PACRG: variants seen among roughly 807,000 people sequenced by gnomAD.
PACRG encodes parkin coregulated gene protein.
PACRG carries 29 observed loss-of-function variants against 29.7 expected under a neutral mutation model. The ratio of observed to expected loss-of-function variants is 0.98; its 90% confidence interval spans 0.73 to 1.33. PACRG has a LOEUF of 1.33. Among genes scored for constraint, PACRG ranks in the 40% most tolerant of loss-of-function variants. The pLI, the probability that PACRG is intolerant of heterozygous loss-of-function variation, is 0.00. For missense variants in PACRG, 279 were observed against 316.2 expected (o/e 0.88, Z 0.89); for synonymous variants, 116 against 118.7 (o/e 0.98, Z 0.15).
chr6:163,151,250 TTTG>T (rs989034214), intron 4 of PACRG, among the ~76,000 whole-genome samples: 62 of 152,282 alleles, frequency 4.1e-4, no homozygotes, highest in Non-Finnish European at 7.9e-4. Flanking sequence ...GATCTTGGTT[TTTG>T]TTGTTGTTGT....
chr6:162,955,310 G>GT (rs1271068858), intron 2 of PACRG, among the ~76,000 whole-genome samples: 3 of 151,776 alleles, frequency 2.0e-5, no homozygotes, highest in South Asian at 2.1e-4. Context: ...TTTTGTTTTT[G>GT]TTTTTTTGAG....
intron 2 of PACRG, among the ~76,000 whole-genome samples, chr6:162,887,979 A>G (rs1361366074): frequency 1.3e-5 from 2 of 152,170 alleles, no homozygotes; most frequent in Non-Finnish European, 2.9e-5. Flanking sequence ...TCCAAGATCA[A>G]GTTCCCAGCA....
At chr6:162,924,567 C>A (rs1328092333) in intron 2 of PACRG, among the ~76,000 whole-genome samples, 1 of 152,026 alleles carries the variant, frequency 6.6e-6, no homozygotes, top group African/African-American at 2.4e-5. Context: ...TCCTACTATA[C>A]CCCATTTGTT....
intron 4 of PACRG, among the ~76,000 whole-genome samples, chr6:163,202,557 C>A (rs1055161362): frequency 1.3e-5 from 2 of 152,084 alleles, no homozygotes; most frequent in African/African-American, 4.8e-5. Context: ...ACATAAATTG[C>A]CACAAACTGT....
At chr6:163,099,703 T>C (rs1585210707) in intron 4 of PACRG, among the ~76,000 whole-genome samples, 1 of 152,186 alleles carries the variant, frequency 6.6e-6, no homozygotes, top group East Asian at 1.9e-4. Context: ...CCAAGTGTAA[T>C]TGTTATGCTG....
At position 162,818,965 on chromosome 6, in the gene PACRG, T is replaced by C. The variant is rs368448923; in HGVS notation, c.291+4684T>C. Among the ~76,000 whole-genome samples the C allele has an allele frequency of 8.4e-4, 128 of 152,272 alleles. No individual in the cohort carries two copies. In the East Asian group the frequency reaches 0.012, roughly 14 times the overall value. ...AAATTTGAAAGGGAGAAACTCAAAA[T>C]GGACTTGTATTTTGTCCAAAATCCT... On this transcript the variant is annotated intron_variant, in intron 2 of 4. Transcript: ENST00000366888.
Position 162,892,246 on chromosome 6 carries a change from C to G in PACRG, c.291+77965C>G, listed in dbSNP as rs139332090. On this transcript the variant is annotated intron_variant, in intron 2 of 4. Coordinates refer to ENST00000366888, the MANE Select transcript of PACRG (RefSeq NM_001080379.2). ...AGGAGTGGACAGATGACCTTCCATGCCATTGCCATCCACAGGCACCAGGCA... is the reference window on the plus strand; with the variant it reads ...AGGAGTGGACAGATGACCTTCCATGGCATTGCCATCCACAGGCACCAGGCA... Among the ~76,000 whole-genome samples the G allele has an allele frequency of 5.9e-3, 905 of 152,302 alleles. 10 individuals carry two copies. Among genetic ancestry groups the G allele is most frequent in the African/African-American group, 0.021 (874 of 41,562 alleles).
At chr6:163,089,450 A>G (rs1391438871) in intron 4 of PACRG, 42 bp downstream of exon 4, 1 of 1,601,942 alleles carries the variant, frequency 6.2e-7, no homozygotes, top group South Asian at 1.1e-5. Context: ...AAGCCAAAGA[A>G]AAAGGGAGTG....
At chr6:163,081,753 C>T (rs1032580671) in intron 3 of PACRG, among the ~76,000 whole-genome samples, 4 of 151,494 alleles carry the variant, frequency 2.6e-5, no homozygotes, top group Non-Finnish European at 5.9e-5. Flanking sequence ...AAAACCCTGT[C>T]TCAGAAAAAA....
chr6:163,101,362 A>G (rs1585214489), intron 4 of PACRG: 3 of 981,482 alleles, frequency 3.1e-6, no homozygotes, highest in South Asian at 9.4e-5. Context: ...ATTTGTGTAC[A>G]TCGGGTTTTG....
intron 4 of PACRG, among the ~76,000 whole-genome samples, chr6:163,135,291 C>G (rs983799483): frequency 6.6e-6 from 1 of 151,784 alleles, no homozygotes; most frequent in Admixed American, 6.6e-5. Context: ...TCGGTTCAAG[C>G]GATTCTCCTG....
At chr6:163,275,291 T>A (rs1357073247) in intron 4 of PACRG, among the ~76,000 whole-genome samples, 1 of 152,242 alleles carries the variant, frequency 6.6e-6, no homozygotes, top group Admixed American at 6.5e-5. Flanking sequence ...CTTCTTCCTC[T>A]TATTTTTTTG....
At chr6:162,882,891 C>T (rs1794019165) in intron 2 of PACRG, among the ~76,000 whole-genome samples, 1 of 152,216 alleles carries the variant, frequency 6.6e-6, no homozygotes, top group Non-Finnish European at 1.5e-5. Context: ...TTCAGAAACC[C>T]TGACTAGATC....
chr6:163,027,633 C>T (rs144993730), intron 2 of PACRG, among the ~76,000 whole-genome samples: 269 of 152,286 alleles, frequency 1.8e-3, no homozygotes, highest in Non-Finnish European at 3.3e-3. Context: ...AATAACCCAA[C>T]CCCACAGATA....
intron 2 of PACRG, among the ~76,000 whole-genome samples, chr6:162,954,994 ACTGCTGGGTAAC>A: frequency 6.6e-6 from 1 of 152,238 alleles, no homozygotes. Flanking sequence ...AGCATCTGCT[ACTGCTGGGTAAC>A]TAGACGTATA....
chr6:163,113,532 A>T (rs1815822620), intron 4 of PACRG, among the ~76,000 whole-genome samples: 1 of 152,244 alleles, frequency 6.6e-6, no homozygotes, highest in South Asian at 2.1e-4. Context: ...GAATACTCCA[A>T]AGATTAACAA....
At chr6:163,003,137 C>T (rs1429355295) in intron 2 of PACRG, among the ~76,000 whole-genome samples, 1 of 152,138 alleles carries the variant, frequency 6.6e-6, no homozygotes, top group Non-Finnish European at 1.5e-5. Context: ...TAGTGCCAAT[C>T]GATGTTTATT....
At chr6:163,137,046 A>G (rs563066002) in intron 4 of PACRG, among the ~76,000 whole-genome samples, 149 of 152,336 alleles carry the variant, frequency 9.8e-4, no homozygotes, top group African/African-American at 3.6e-3. Flanking sequence ...TACTTTAACT[A>G]TTCTGAGATA....
chr6:162,930,664 G>T (rs1034441024), intron 2 of PACRG, among the ~76,000 whole-genome samples: 2 of 151,852 alleles, frequency 1.3e-5, no homozygotes, highest in Admixed American at 6.6e-5. Flanking sequence ...TCCTTTTCTT[G>T]TTCCATATCG....
Sources: gnomAD v4.1 joint callset for allele counts (sites outside exome capture counted in the v4.1 genomes callset) on GRCh38, gnomAD v4.1.1 for gene constraint, MANE v1.5 for transcripts, NCBI Gene and HGNC (gene_info 2026-07-23, HGNC 2026-07-21) for gene names.